The following DDR2 variants were observed in gnomAD, a reference collection of about 807,000 sequenced individuals.
DDR2 encodes the protein discoidin domain receptor tyrosine kinase 2, also known as discoidin domain-containing receptor 2.
DDR2 carries 27 observed loss-of-function variants against 94.9 expected under a neutral mutation model. The ratio of observed to expected loss-of-function variants is 0.28; its 90% confidence interval spans 0.21 to 0.39. The LOEUF (loss-of-function observed/expected upper bound fraction) is 0.39. Ranked by LOEUF, DDR2 falls within the 10% of genes least tolerant of loss-of-function variation. DDR2 has a pLI of 1.00. For missense variants in DDR2, 783 were observed against 1,076.0 expected, an observed-to-expected ratio of 0.73 and a Z score of 3.81; for synonymous variants, 382 against 377.2, an observed-to-expected ratio of 1.01 and a Z score of -0.15.
At chr1:162,705,095 G>A (rs1419935967) in intron 2 of DDR2, 1 of 152,284 alleles carries the variant, frequency 6.6e-6, no homozygotes, top group African/African-American at 2.4e-5. Flanking sequence ...TCATTTCTGT[G>A]GAGACCTTTG....
At chr1:162,638,996 T>C (rs1053539356) in intron 1 of DDR2, among the ~76,000 whole-genome samples, 1 of 152,112 alleles carries the variant, frequency 6.6e-6, no homozygotes, top group African/African-American at 2.4e-5. Flanking sequence ...GACGGAGTCT[T>C]GCTCTGTTGC....
intron 13 of DDR2, 138 bp from the exon 14 acceptor site, chr1:162,773,331 A>G: frequency 8.9e-7 from 1 of 1,121,976 alleles, no homozygotes; most frequent in Non-Finnish European, 1.3e-6. Flanking sequence ...TAGATATGTT[A>G]CACATATCTT....
intron 1 of DDR2, among the ~76,000 whole-genome samples, chr1:162,643,042 T>G (rs1308915155): frequency 6.6e-6 from 1 of 152,142 alleles, no homozygotes; most frequent in African/African-American, 2.4e-5. Flanking sequence ...TTCTAATCCT[T>G]TTGCTATATT....
chr1:162,640,507 C>T (rs1657077571), intron 1 of DDR2, among the ~76,000 whole-genome samples: 1 of 152,114 alleles, frequency 6.6e-6, no homozygotes. Flanking sequence ...TTGCTGTGAA[C>T]CTACAACTGC....
intron 1 of DDR2, among the ~76,000 whole-genome samples, chr1:162,652,750 C>T (rs1259124393): frequency 6.6e-6 from 1 of 152,192 alleles, no homozygotes; most frequent in Non-Finnish European, 1.5e-5. Flanking sequence ...TAAGCAACCT[C>T]CCAAGATTGT....
chr1:162,729,051 G>A (rs1661863583), intron 3 of DDR2, among the ~76,000 whole-genome samples: 2 of 151,336 alleles, frequency 1.3e-5, no homozygotes, highest in South Asian at 4.2e-4. Flanking sequence ...TGTTACTTTT[G>A]GAAGAAAAGA....
intron 2 of DDR2, among the ~76,000 whole-genome samples, chr1:162,690,029 G>A (rs1162524415): frequency 6.8e-6 from 1 of 146,450 alleles, no homozygotes; most frequent in East Asian, 2.0e-4. Flanking sequence ...AAAAAAAAAA[G>A]ACAGAATGCT....
chr1:162,687,949 T>C (rs1659767489), intron 2 of DDR2, among the ~76,000 whole-genome samples: 1 of 152,208 alleles, frequency 6.6e-6, no homozygotes, highest in Non-Finnish European at 1.5e-5. Flanking sequence ...CATCTGCTGT[T>C]TTCACAGCTA....
At position 162,761,319 on chromosome 1, in the gene DDR2, C is replaced by T. The variant is rs773385890; in HGVS notation, c.964C>T (p.Leu322Phe). ...EWEPNAISFP[L>F]VLDDVNPSAR... ...GGAACCTAATGCCATTTCCTTCCCC[C>T]TTGTCCTGGATGACGTCAACCCCAG... Residue 322 changes from leucine (L) to phenylalanine (F), a missense_variant, in exon 9 of 18, where the codon CTT (leucine) becomes TTT (phenylalanine). By Grantham distance (22) the Leu-to-Phe change is conservative. This residue lies in a region of DDR2 where 519 missense variants were observed against 647.9 expected (regional missense o/e 0.80). Transcript: ENST00000367921. The T allele has an allele frequency of 9.3e-6, 15 of 1,614,110 alleles. No homozygotes were observed. The East Asian group carries it at 2.7e-4, about 29-fold the overall frequency.
intron 1 of DDR2, among the ~76,000 whole-genome samples, chr1:162,648,243 G>T (rs1251443203): frequency 6.6e-6 from 1 of 152,140 alleles, no homozygotes; most frequent in African/African-American, 2.4e-5. Flanking sequence ...ATAGCCAGGG[G>T]ACTGGTGCTG....
Position 162,759,999 on chromosome 1 carries a change from G to A in DDR2, c.855+20G>A, listed in dbSNP as rs780733668. The A allele has an allele frequency of 2.5e-6, 4 of 1,614,100 alleles. No individual in the cohort carries two copies. In the South Asian group the frequency reaches 3.3e-5, roughly 13 times the overall value. Reference sequence around the variant, plus strand: ...ATGAAGGTCAGTGGGGTCGGGTGTGGTGGAACTTCTTTAAGGAGGCACAAA... The same window carrying A: ...ATGAAGGTCAGTGGGGTCGGGTGTGATGGAACTTCTTTAAGGAGGCACAAA... On this transcript the variant is annotated intron_variant, in intron 8 of 17. Transcript: ENST00000367921.
intron 3 of DDR2, among the ~76,000 whole-genome samples, chr1:162,741,209 C>CAATACAATATAATATAATATAATAT (rs368631311): frequency 7.2e-4 from 50 of 69,576 alleles, no homozygotes; most frequent in South Asian, 2.0e-3. Context: ...CAATACAATA[C>CAATACAATATAATATAATATAATAT]AATATAATAT....
At chr1:162,744,327 C>A (rs1273699464) in intron 3 of DDR2, among the ~76,000 whole-genome samples, 2 of 152,134 alleles carry the variant, frequency 1.3e-5, no homozygotes, top group Non-Finnish European at 2.9e-5. Flanking sequence ...CCTCCCAATT[C>A]CTGGCAACCA....
intron 2 of DDR2, among the ~76,000 whole-genome samples, chr1:162,682,032 A>G (rs912949495): frequency 6.6e-6 from 1 of 152,142 alleles, no homozygotes; most frequent in African/African-American, 2.4e-5. Context: ...TTGAGTTATA[A>G]CCTCATGAAG....
At chr1:162,711,237 G>A (rs544335948) in intron 2 of DDR2, among the ~76,000 whole-genome samples, 4 of 152,258 alleles carry the variant, frequency 2.6e-5, no homozygotes, top group Admixed American at 2.0e-4. Context: ...ACCCAGCACT[G>A]GATTCTTTTG....
chr1:162,664,581 C>T (rs989835298), intron 2 of DDR2, among the ~76,000 whole-genome samples: 1 of 151,834 alleles, frequency 6.6e-6, no homozygotes, highest in African/African-American at 2.4e-5. Flanking sequence ...TATATTAAAT[C>T]AAGATAAAAG....
chr1:162,694,766 G>A (rs1660110740), intron 2 of DDR2, among the ~76,000 whole-genome samples: 1 of 152,166 alleles, frequency 6.6e-6, no homozygotes, highest in South Asian at 2.1e-4. Context: ...ATTTTTATTA[G>A]TAACTGATAG....
chr1:162,752,169 A>T (rs1414260103), intron 3 of DDR2, among the ~76,000 whole-genome samples: 3 of 152,200 alleles, frequency 2.0e-5, no homozygotes, highest in Non-Finnish European at 4.4e-5. Context: ...AAGAAAAAAA[A>T]AAACTTTTGT....
chr1:162,658,232 G>A (rs1352005845), intron 2 of DDR2, among the ~76,000 whole-genome samples: 1 of 152,162 alleles, frequency 6.6e-6, no homozygotes, highest in Non-Finnish European at 1.5e-5. Flanking sequence ...ACGCTTTCTA[G>A]GGCATGAAGA....
Sources: gnomAD v4.1 joint callset for allele counts (sites outside exome capture counted in the v4.1 genomes callset) on GRCh38, gnomAD v4.1.1 for gene constraint, gnomAD v4.1.1 regional missense constraint, MANE v1.5 for transcripts, NCBI Gene and HGNC (gene_info 2026-07-23, HGNC 2026-07-21) for gene names.